The following AGPAT4 variants were observed in gnomAD, a reference collection of about 807,000 sequenced individuals.
AGPAT4 encodes the protein 1-acyl-sn-glycerol-3-phosphate acyltransferase delta.
Under a neutral mutation model 48.0 loss-of-function variants are expected in AGPAT4, and 15 were observed. The observed-to-expected ratio is 0.31, with a 90% confidence interval of 0.21 to 0.48. The LOEUF is 0.48. Among genes scored for constraint, AGPAT4 ranks in the 20% least tolerant of loss-of-function variants. The pLI, the probability that AGPAT4 is intolerant of heterozygous loss-of-function variation, is 0.99. For synonymous variants in AGPAT4, 178 were observed against 198.7 expected (o/e 0.90, Z 0.88); for missense variants, 314 against 482.5 (o/e 0.65, Z 3.27).
rs1396612538 is a variant in AGPAT4 at position 161,195,078 on chromosome 6, A to T, written c.179-28661T>A. On this transcript the variant is annotated intron_variant, in intron 2 of 8. Coordinates refer to ENST00000320285, the MANE Select transcript of AGPAT4 (RefSeq NM_020133.3). This position sits in a 1 kb window ranked among gnomAD's most constrained non-coding sequence, Gnocchi z 5.0. ...GTTTAGAAATATAACTGTGAAGAAT[A>T]CTATTTATTGAGGCCTTTCTGGGGA... 6.6e-6 allele frequency among the ~76,000 whole-genome samples: 1 copy of T among 152,228 alleles called. No homozygotes were observed. Among genetic ancestry groups the T allele is most frequent in the Admixed American group, 6.5e-5 (1 of 15,288 alleles).
In AGPAT4 at chr6:161,139,615, G is replaced by A; in HGVS notation, c.849C>T (p.Ala283=). Residue 283 remains alanine (A), a synonymous_variant, in exon 8 of 9, where the codon GCC becomes GCT. Coordinates refer to ENST00000320285, the MANE Select transcript of AGPAT4 (RefSeq NM_020133.3). This position sits in a 1 kb window ranked among gnomAD's most constrained non-coding sequence, Gnocchi z 9.1. ...CCGTCCTGTAGTACTCCTCCTGAAAGGCATCCTGGGGGACAGGAAAGAGGA... is the reference window on the plus strand; with the variant it reads ...CCGTCCTGTAGTACTCCTCCTGAAAAGCATCCTGGGGGACAGGAAAGAGGA... ...WLHKLYQEKD[A]FQEEYYRTGT... 1 of 1,599,686 alleles carries A rather than the reference G, an allele frequency of 6.3e-7. No individual in the cohort carries two copies. The highest frequency in any genetic ancestry group is 8.6e-7 in the Non-Finnish European group (1 of 1,169,406).
Position 161,177,243 on chromosome 6 carries a change from A to G in AGPAT4, c.179-10826T>C, listed in dbSNP as rs1033248947. Among the ~76,000 whole-genome samples the G allele has an allele frequency of 2.6e-5, 4 of 152,204 alleles. No individual in the cohort carries two copies. Among genetic ancestry groups the G allele is most frequent in the African/African-American group, 4.8e-5 (2 of 41,460 alleles). On this transcript the variant is annotated intron_variant, in intron 2 of 8. Transcript: ENST00000320285. This position sits in a 1 kb window ranked among gnomAD's most constrained non-coding sequence, Gnocchi z 5.0. ...ATAATATCCTGTAGAGTGTTTTCCA[A>G]CGTGGTTCCATTCTCCCCGTCACTT... is the stretch of plus-strand genomic sequence containing the variant.
chr6:161,247,231 G>T (rs1782678163), intron 1 of AGPAT4, among the ~76,000 whole-genome samples: 1 of 152,184 alleles, frequency 6.6e-6, no homozygotes, highest in South Asian at 2.1e-4. Context: ...CACAAATCCA[G>T]TGAAACTAAA....
At position 161,155,054 on chromosome 6, in the gene AGPAT4, C is replaced by T. The variant is rs938343256; in HGVS notation, c.349-744G>A. On this transcript the variant is annotated intron_variant, in intron 3 of 8. Transcript: ENST00000320285. The surrounding 1 kb of genome is among the most constrained non-coding windows in gnomAD (Gnocchi z 5.8). Reference sequence around the variant, plus strand: ...TGCCAGCATGTCCTTGAGGCTGAGACGGGGCAGAAGCACCTGCCAGAGACC... The same window carrying T: ...TGCCAGCATGTCCTTGAGGCTGAGATGGGGCAGAAGCACCTGCCAGAGACC... Among the ~76,000 whole-genome samples the T allele has an allele frequency of 6.6e-6, 1 of 152,168 alleles. No homozygotes were observed. The highest frequency in any genetic ancestry group is 1.5e-5 in the Non-Finnish European group (1 of 68,040).
At chr6:161,187,335 T>C (rs1413007710) in intron 2 of AGPAT4, among the ~76,000 whole-genome samples, 1 of 152,148 alleles carries the variant, frequency 6.6e-6, no homozygotes, top group Non-Finnish European at 1.5e-5. Context: ...GTTCATTTCG[T>C]TGTTGTTGCT....
rs571138621 is a variant in AGPAT4, at chr6:161,159,003, T to G, written c.349-4693A>C. ...GTCAAGTGAGCCAAGGTCATTTATT[T>G]CTACTAAATATATAAAATGAGGTAT... is the stretch of plus-strand genomic sequence containing the variant. On this transcript the variant is annotated intron_variant, in intron 3 of 8. Transcript: ENST00000320285. This position sits in a 1 kb window ranked among gnomAD's most constrained non-coding sequence, Gnocchi z 4.1. Among the ~76,000 whole-genome samples the G allele has an allele frequency of 6.6e-6, 1 of 152,236 alleles. No individual in the cohort carries two copies. Among genetic ancestry groups the G allele is most frequent in the Admixed American group, 6.5e-5 (1 of 15,282 alleles).
Position 161,261,890 on chromosome 6 carries a change from C to A in AGPAT4, c.-90+12048G>T, listed in dbSNP as rs746126582. Among the ~76,000 whole-genome samples, 5 of 152,160 alleles carry A rather than the reference C, an allele frequency of 3.3e-5. No homozygotes were observed. Among genetic ancestry groups the A allele is most frequent in the Non-Finnish European group, 5.9e-5 (4 of 68,036 alleles). On this transcript the variant is annotated intron_variant, in intron 1 of 8. Transcript: ENST00000320285. This position sits in a 1 kb window ranked among gnomAD's most constrained non-coding sequence, Gnocchi z 5.3. ...ATTGACCTTCACACCTGGGTAGGGG[C>A]TCCTGGGCCAGAGACCCAGTTTGCC...
At position 161,272,204 on chromosome 6, in the gene AGPAT4, C is replaced by G. The variant is rs1582927475; in HGVS notation, c.-90+1734G>C. Among the ~76,000 whole-genome samples, 5 of 151,766 alleles carry G rather than the reference C, an allele frequency of 3.3e-5. No homozygotes were observed. The South Asian group carries it at 1.0e-3, about 32-fold the overall frequency. ...GATGATAGCATATTTAGATAAGGAT[C>G]ACAGCAAACAGAACCTCACTGAAAC... On this transcript the variant is annotated intron_variant, in intron 1 of 8. Transcript: ENST00000320285. This position sits in a 1 kb window ranked among gnomAD's most constrained non-coding sequence, Gnocchi z 4.2.
rs566349428 is a variant in AGPAT4, at chr6:161,218,549, G to T, written c.178+13487C>A. Reference sequence around the variant, plus strand: ...GTAAGTTGACTGTGTCACCAAGGTGGTTAGGCCACTGTTCAGAAGCCAAGA... The same window carrying T: ...GTAAGTTGACTGTGTCACCAAGGTGTTTAGGCCACTGTTCAGAAGCCAAGA... On this transcript the variant is annotated intron_variant, in intron 2 of 8. Transcript: ENST00000320285. This position sits in a 1 kb window ranked among gnomAD's most constrained non-coding sequence, Gnocchi z 4.7. 1.3e-5 allele frequency among the ~76,000 whole-genome samples: 2 copies of T among 152,146 alleles called. No homozygotes were observed. The highest frequency in any genetic ancestry group is 2.9e-5 in the Non-Finnish European group (2 of 68,026).
chr6:161,227,011 T>G (rs1428155864), intron 2 of AGPAT4, among the ~76,000 whole-genome samples: 1 of 152,204 alleles, frequency 6.6e-6, no homozygotes, highest in African/African-American at 2.4e-5. Flanking sequence ...GTGCAAAAAG[T>G]ACTTTATGCA....
rs555004230 is a variant in AGPAT4 at position 161,270,921 on chromosome 6, A to G, written c.-90+3017T>C. On this transcript the variant is annotated intron_variant, in intron 1 of 8. Transcript: ENST00000320285. The surrounding 1 kb of genome is among the most constrained non-coding windows in gnomAD (Gnocchi z 5.3). ...AATAATTTAAAACAATGGCAATGGC[A>G]GGAATTATGAAGATGACATTCCGGG... 4.6e-5 allele frequency among the ~76,000 whole-genome samples: 7 copies of G among 152,346 alleles called. No homozygotes were observed. The South Asian group carries it at 1.2e-3, about 27-fold the overall frequency.
chr6:161,214,003 G>A lies in AGPAT4; in HGVS notation c.178+18033C>T, dbSNP rs899271028. Among the ~76,000 whole-genome samples the A allele has an allele frequency of 6.6e-6, 1 of 152,172 alleles. No homozygotes were observed. Among genetic ancestry groups the A allele is most frequent in the African/African-American group, 2.4e-5 (1 of 41,438 alleles). On this transcript the variant is annotated intron_variant, in intron 2 of 8. Transcript: ENST00000320285. The surrounding 1 kb of genome is among the most constrained non-coding windows in gnomAD (Gnocchi z 5.4). Reference sequence around the variant, plus strand: ...AAAGGGAAAATTCAAGCTGGGAACTGTTTAGGGCAAACGTGCCACCCATTC... The same window carrying A: ...AAAGGGAAAATTCAAGCTGGGAACTATTTAGGGCAAACGTGCCACCCATTC...
Position 161,166,287 on chromosome 6 carries a change from C to T in AGPAT4, c.309G>A (p.Leu103=). The T allele has an allele frequency of 1.2e-6, 2 of 1,614,148 alleles. No homozygotes were observed. The highest frequency in any genetic ancestry group is 1.7e-6 in the Non-Finnish European group (2 of 1,180,040). Residue 103 remains leucine (L), a synonymous_variant, in exon 3 of 9, where the codon CTG becomes CTA. Coordinates refer to ENST00000320285, the MANE Select transcript of AGPAT4 (RefSeq NM_020133.3). This position sits in a 1 kb window ranked among gnomAD's most constrained non-coding sequence, Gnocchi z 6.7. ...VLNHKFEIDF[L]CGWSLSERFG... is the part of the protein sequence containing the mutation. ...AGCGTTCGGACAGGCTCCAGCCACA[C>T]AGAAAGTCAATTTCAAACTTGTGGT...
In AGPAT4 at chr6:161,130,265, C is replaced by T. The variant is rs574399078; in HGVS notation, c.*6275G>A. 2.0e-5 allele frequency: 3 copies of T among 152,560 alleles called. No homozygotes were observed. The highest frequency in any genetic ancestry group is 2.1e-4 in the South Asian group (1 of 4,832). 9.5% of individuals were successfully genotyped at this position (152,560 alleles called of 1,614,324 possible). A position where few individuals can be genotyped will look rare whatever the true frequency, so the allele number is the denominator to read the frequency against. On this transcript the variant is annotated 3_prime_UTR_variant, in exon 9 of 9. Coordinates refer to ENST00000320285, the MANE Select transcript of AGPAT4 (RefSeq NM_020133.3). ...CCAATACCTTGCTCTAATTCCAATT[C>T]ATTCGTTCTCATAACTTATTTGAAA...
chr6:161,174,147 A>T (rs1460483211), intron 2 of AGPAT4, among the ~76,000 whole-genome samples: 4 of 152,282 alleles, frequency 2.6e-5, no homozygotes, highest in African/African-American at 7.2e-5. Context: ...TTGGTTCCAT[A>T]TGAACTTTAA....
At chr6:161,179,528 T>G (rs908035353) in intron 2 of AGPAT4, among the ~76,000 whole-genome samples, 1 of 152,242 alleles carries the variant, frequency 6.6e-6, no homozygotes, top group Admixed American at 6.5e-5. Flanking sequence ...ATATGCACCC[T>G]GCACCAGCCA....
In AGPAT4 at chr6:161,218,085, C is replaced by A. The variant is rs1347908042; in HGVS notation, c.178+13951G>T. Among the ~76,000 whole-genome samples, 2 of 152,212 alleles carry A rather than the reference C, an allele frequency of 1.3e-5. No individual in the cohort carries two copies. The highest frequency in any genetic ancestry group is 4.8e-5 in the African/African-American group (2 of 41,448). On this transcript the variant is annotated intron_variant, in intron 2 of 8. Transcript: ENST00000320285. The surrounding 1 kb of genome is among the most constrained non-coding windows in gnomAD (Gnocchi z 4.7). ...GGTGTCTGTGTCTGATGAGTTGGTG[C>A]CTTGTTCTTCTGGCAAGAGAACCAC...
chr6:161,165,306 T>A lies in AGPAT4; in HGVS notation c.348+942A>T, dbSNP rs1780062472. ...AGAAAACAGTGGGCAGGAGGCTATC[T>A]TCATCTGCCTCCAGGAACCAGACCC... On this transcript the variant is annotated intron_variant, in intron 3 of 8. Transcript: ENST00000320285. The surrounding 1 kb of genome is among the most constrained non-coding windows in gnomAD (Gnocchi z 5.5). Among the ~76,000 whole-genome samples the A allele has an allele frequency of 6.6e-6, 1 of 152,196 alleles. No individual in the cohort carries two copies. Among genetic ancestry groups the A allele is most frequent in the East Asian group, 1.9e-4 (1 of 5,202 alleles).
Position 161,157,041 on chromosome 6 carries a change from G to A in AGPAT4, c.349-2731C>T, listed in dbSNP as rs185241281. Reference sequence around the variant, plus strand: ...CTGTTCAAGACTCTCAGCTCTGAAGGCTGTGAGACCCCTGATTTCCCACTT... The same window carrying A: ...CTGTTCAAGACTCTCAGCTCTGAAGACTGTGAGACCCCTGATTTCCCACTT... On this transcript the variant is annotated intron_variant, in intron 3 of 8. Coordinates refer to ENST00000320285, the MANE Select transcript of AGPAT4 (RefSeq NM_020133.3). Among the ~76,000 whole-genome samples the A allele has an allele frequency of 6.5e-3, 985 of 152,292 alleles. 6 individuals carry two copies. The highest frequency in any genetic ancestry group is 0.023 in the African/African-American group (943 of 41,546).
Sources: gnomAD v4.1 joint callset for allele counts (sites outside exome capture counted in the v4.1 genomes callset) on GRCh38, gnomAD v4.1.1 for gene constraint, Gnocchi (gnomAD v3.1) non-coding constraint, MANE v1.5 for transcripts, NCBI Gene and HGNC (gene_info 2026-07-23, HGNC 2026-07-21) for gene names.